The following PIKFYVE variants were observed in gnomAD, a reference collection of about 807,000 sequenced individuals.
PIKFYVE encodes phosphoinositide kinase, FYVE-type zinc finger containing, also known as 1-phosphatidylinositol 3-phosphate 5-kinase.
In PIKFYVE, 122 loss-of-function variants were observed where a neutral mutation model predicts 257.9. The ratio of observed to expected loss-of-function variants is 0.47; its 90% CI spans 0.41 to 0.55. The LOEUF is 0.55. PIKFYVE is among the 20% of genes least tolerant of loss of function. The pLI is 0.00. For missense variants in PIKFYVE, 2,160 were observed against 2,536.6 expected, an observed-to-expected ratio of 0.85 and a Z score of 3.19; for synonymous variants, 892 against 868.9, an observed-to-expected ratio of 1.03 and a Z score of -0.47.
intron 24 of PIKFYVE, among the ~76,000 whole-genome samples, chr2:208,333,838 G>A (rs1229489298): frequency 6.6e-6 from 1 of 152,058 alleles, no homozygotes; most frequent in Non-Finnish European, 1.5e-5. Context: ...ATATGAGACA[G>A]GATCTCACTG....
intron 17 of PIKFYVE, among the ~76,000 whole-genome samples, chr2:208,322,463 T>TA (rs1452529461): frequency 6.6e-6 from 1 of 151,340 alleles, no homozygotes; most frequent in Non-Finnish European, 1.5e-5. Context: ...TGTTTTTTTT[T>TA]AACCTCTGAA....
intron 38 of PIKFYVE, among the ~76,000 whole-genome samples, 186 bp downstream of exon 38, chr2:208,351,641 G>A (rs74902353): frequency 0.016 from 2,507 of 152,188 alleles, 75 homozygotes; most frequent in African/African-American, 0.056. Flanking sequence ...TGCTGGCGGC[G>A]TCTGTTTCTG....
chr2:208,330,045 A>G (rs1377451847), intron 22 of PIKFYVE, 132 bp downstream of exon 22: 8 of 1,241,832 alleles, frequency 6.4e-6, no homozygotes, highest in African/African-American at 3.0e-5. Flanking sequence ...ATATCAGAGT[A>G]TATCATTCAA....
At position 208,326,232 on chromosome 2, in the gene PIKFYVE, C is replaced by T. The variant is rs767745071; in HGVS notation, c.3421C>T (p.His1141Tyr). The T allele has an allele frequency of 2.5e-6, 4 of 1,592,514 alleles. No homozygotes were observed. In the South Asian group the frequency reaches 4.6e-5, roughly 18 times the overall value. ...GCTAGTGAGCACTAGAATTGCTGAG[C>T]ATCTGGGCGATAGCCAGAGCTTGGG... is the stretch of plus-strand genomic sequence containing the variant. Reference protein sequence around the residue: ...HELVSTRIAEHLGDSQSLGRM... With the variant: ...HELVSTRIAEYLGDSQSLGRM... The change falls in exon 20 of 42, where the codon CAT (histidine) becomes TAT (tyrosine). Residue 1141 changes from histidine to tyrosine, a missense_variant. His to Tyr is a moderately conservative substitution (Grantham distance 83, BLOSUM62 2). Around this residue, in one of 12 missense-constraint regions of PIKFYVE, gnomAD observed 522 missense variants for 514.6 expected, o/e 1.01. Coordinates refer to ENST00000264380, the MANE Select transcript of PIKFYVE (RefSeq NM_015040.4).
intron 3 of PIKFYVE, among the ~76,000 whole-genome samples, chr2:208,274,222 C>A (rs6705163): frequency 1.3e-4 from 20 of 152,180 alleles, no homozygotes; most frequent in Admixed American, 6.5e-4. Flanking sequence ...GCTGAATAAG[C>A]TGAGCTCCTC....
chr2:208,337,414 A>C (rs114685937), intron 28 of PIKFYVE, among the ~76,000 whole-genome samples: 4,243 of 152,138 alleles, frequency 0.028, 188 homozygotes, highest in African/African-American at 0.096. Context: ...CCACAAATTT[A>C]TAGATAGATA....
intron 25 of PIKFYVE, 78 bp from the exon 26 acceptor site, chr2:208,335,715 A>G: frequency 1.8e-6 from 2 of 1,132,168 alleles, no homozygotes; most frequent in Non-Finnish European, 1.3e-6. Flanking sequence ...TTTTGCATGT[A>G]GCTTTTTTTT....
At chr2:208,323,115 T>G (rs1050408924) in intron 17 of PIKFYVE, among the ~76,000 whole-genome samples, 4 of 150,962 alleles carry the variant, frequency 2.6e-5, no homozygotes, top group East Asian at 2.0e-4. Flanking sequence ...TTTATTATTA[T>G]TAGTAGTAGT....
At chr2:208,288,614 A>G (rs1691890078) in intron 6 of PIKFYVE, 115 bp from the exon 7 acceptor site, 1 of 1,468,624 alleles carries the variant, frequency 6.8e-7, no homozygotes, top group African/African-American at 1.4e-5. Context: ...AAAATGACAC[A>G]TAATCTCATT....
At chr2:208,322,506 G>C (rs1334782568) in intron 17 of PIKFYVE, among the ~76,000 whole-genome samples, 2 of 149,844 alleles carry the variant, frequency 1.3e-5, no homozygotes, top group African/African-American at 4.9e-5. Context: ...TTTAAATTAA[G>C]AATTGAAAAT....
intron 6 of PIKFYVE, among the ~76,000 whole-genome samples, chr2:208,286,276 CATT>C (rs1244821568): frequency 6.6e-6 from 1 of 152,104 alleles, no homozygotes; most frequent in African/African-American, 2.4e-5. Context: ...GAACAGAAGT[CATT>C]GAGATTATTA....
intron 10 of PIKFYVE, 105 bp downstream of exon 10, chr2:208,302,458 A>G: frequency 8.7e-7 from 1 of 1,144,004 alleles, no homozygotes; most frequent in South Asian, 1.3e-5. Flanking sequence ...GATTTTTCTA[A>G]CATTTTTTCC....
chr2:208,344,914 G>A (rs1345350102), intron 32 of PIKFYVE, among the ~76,000 whole-genome samples, 197 bp from the exon 33 acceptor site: 1 of 151,964 alleles, frequency 6.6e-6, no homozygotes, highest in African/African-American at 2.4e-5. Context: ...GTCATATTTT[G>A]TATTACCTTC....
chr2:208,306,504 A>G (rs1433939664), intron 12 of PIKFYVE, among the ~76,000 whole-genome samples: 1 of 152,226 alleles, frequency 6.6e-6, no homozygotes, highest in South Asian at 2.1e-4. Flanking sequence ...TGATGATTTC[A>G]TCTCTTGGAA....
At chr2:208,279,274 C>G (rs983792072) in intron 5 of PIKFYVE, among the ~76,000 whole-genome samples, 35 of 151,706 alleles carry the variant, frequency 2.3e-4, no homozygotes, top group African/African-American at 6.0e-4. Flanking sequence ...TGTTGAATTA[C>G]GTTTCTTATA....
At chr2:208,275,827 T>C (rs977353467) in intron 3 of PIKFYVE, among the ~76,000 whole-genome samples, 1 of 152,220 alleles carries the variant, frequency 6.6e-6, no homozygotes, top group Non-Finnish European at 1.5e-5. Context: ...AGGATGTTCA[T>C]CCTTTTTGTC....
intron 11 of PIKFYVE, 38 bp from the exon 12 acceptor site, chr2:208,304,808 C>T (rs772366032): frequency 3.1e-6 from 5 of 1,593,006 alleles, no homozygotes; most frequent in South Asian, 2.2e-5. Flanking sequence ...TACTCCCCTC[C>T]TCTCCCTATA....
At chr2:208,320,103 A>G (rs1696034775) in intron 16 of PIKFYVE, 149 bp from the exon 17 acceptor site, 3 of 1,198,320 alleles carry the variant, frequency 2.5e-6, no homozygotes, top group Non-Finnish European at 3.3e-6. Context: ...TTAATACCGT[A>G]AAAGAACTAA....
At chr2:208,348,636 G>GTGTGTGTA (rs1559172828) in intron 35 of PIKFYVE, among the ~76,000 whole-genome samples, 1 of 150,396 alleles carries the variant, frequency 6.6e-6, no homozygotes, top group Non-Finnish European at 1.5e-5. Context: ...GTGTGTGTGT[G>GTGTGTGTA]TATCTACCTC....
Sources: allele counts gnomAD v4.1 joint callset (sites outside exome capture counted in the v4.1 genomes callset), GRCh38; gene constraint gnomAD v4.1.1; regional missense constraint gnomAD v4.1.1; transcripts MANE v1.5; gene names NCBI Gene and HGNC (gene_info 2026-07-23, HGNC 2026-07-21).